Variants in CSMD1 observed in about 807,000 individuals in gnomAD.
CSMD1 encodes the protein CUB and sushi domain-containing protein 1.
CSMD1 carries 213 observed loss-of-function variants against 417.5 expected under a neutral mutation model. The ratio of observed to expected loss-of-function variants is 0.51; its 90% CI spans 0.46 to 0.57. The LOEUF (loss-of-function observed/expected upper bound fraction) is 0.57. CSMD1 is among the 20% of genes least tolerant of loss of function. The pLI is 0.00. For synonymous variants in CSMD1, 2,862 were observed against 1,736.8 expected, an observed-to-expected ratio of 1.65 and a Z score of -16.11; for missense variants, 6,923 against 4,529.7, an observed-to-expected ratio of 1.53 and a Z score of -15.17.
chr8:3,562,278 C>A (rs1231183099), intron 10 of CSMD1, among the ~76,000 whole-genome samples: 1 of 152,112 alleles, frequency 6.6e-6, no homozygotes, highest in Non-Finnish European at 1.5e-5. Flanking sequence ...AAAACATCAA[C>A]TGATGAGAGA....
At chr8:4,151,801 A>G (rs1796584846) in intron 3 of CSMD1, among the ~76,000 whole-genome samples, 1 of 152,192 alleles carries the variant, frequency 6.6e-6, no homozygotes, top group Non-Finnish European at 1.5e-5. Context: ...TTATATGAAA[A>G]ATAATTGTTC....
chr8:4,467,024 G>C (rs148183989), intron 2 of CSMD1, among the ~76,000 whole-genome samples: 1 of 148,568 alleles, frequency 6.7e-6, no homozygotes, highest in Non-Finnish European at 1.5e-5. Context: ...GGCCTCAAAG[G>C]CAACAAAAGT....
chr8:3,191,315 G>C (rs1467618682), intron 33 of CSMD1, among the ~76,000 whole-genome samples: 1 of 152,112 alleles, frequency 6.6e-6, no homozygotes, highest in African/African-American at 2.4e-5. Flanking sequence ...AATTAGCCGG[G>C]CATGGTGGCA....
chr8:3,355,766 C>T (rs13280571), intron 21 of CSMD1, among the ~76,000 whole-genome samples: 59,776 of 151,904 alleles, frequency 0.39, 11,870 homozygotes, highest in Admixed American at 0.44. Flanking sequence ...ATGGACTTTA[C>T]ATCACCTTAC....
intron 8 of CSMD1, among the ~76,000 whole-genome samples, chr8:3,597,602 A>T (rs1224456848): frequency 6.6e-6 from 1 of 152,180 alleles, no homozygotes; most frequent in Non-Finnish European, 1.5e-5. Context: ...CTCTGAACAC[A>T]GTTCTTAAAA....
At chr8:4,597,412 C>G (rs145995065) in intron 2 of CSMD1, among the ~76,000 whole-genome samples, 178 of 152,196 alleles carry the variant, frequency 1.2e-3, no homozygotes, top group African/African-American at 4.1e-3. Context: ...ATATCCATCC[C>G]CAAATGTAAA....
chr8:3,936,320 T>A (rs75795850), intron 5 of CSMD1, among the ~76,000 whole-genome samples: 1 of 152,164 alleles, frequency 6.6e-6, no homozygotes, highest in Non-Finnish European at 1.5e-5. Flanking sequence ...AAGGCAGATA[T>A]TGAGTGTAAA....
chr8:3,014,580 G>C (rs1208613829), intron 52 of CSMD1, among the ~76,000 whole-genome samples: 1 of 152,108 alleles, frequency 6.6e-6, no homozygotes, highest in Non-Finnish European at 1.5e-5. Context: ...ACTTCATTGA[G>C]AACTCTGAAG....
intron 7 of CSMD1, among the ~76,000 whole-genome samples, chr8:3,627,364 T>C (rs2117230238): frequency 6.6e-6 from 1 of 152,308 alleles, no homozygotes; most frequent in African/African-American, 2.4e-5. Context: ...TCACAGATCA[T>C]GAATTATTAA....
At chr8:3,655,102 A>T (rs1271726763) in intron 7 of CSMD1, among the ~76,000 whole-genome samples, 1 of 152,258 alleles carries the variant, frequency 6.6e-6, no homozygotes, top group African/African-American at 2.4e-5. Flanking sequence ...CATTCAAAAT[A>T]TGAAAATACA....
At chr8:4,207,099 T>G (rs1800022829) in intron 3 of CSMD1, among the ~76,000 whole-genome samples, 1 of 152,172 alleles carries the variant, frequency 6.6e-6, no homozygotes, top group Non-Finnish European at 1.5e-5. Flanking sequence ...TTAAAGTGTT[T>G]TCTCATTTTC....
intron 5 of CSMD1, among the ~76,000 whole-genome samples, chr8:3,773,501 G>T (rs1197928566): frequency 6.6e-6 from 1 of 152,056 alleles, no homozygotes; most frequent in Non-Finnish European, 1.5e-5. Context: ...TTCCCAGGCT[G>T]GTCTTGAACT....
In CSMD1 at chr8:2,957,798, T is replaced by C. The variant is rs774077926; in HGVS notation, c.9712A>G (p.Thr3238Ala). Residue 3238 changes from threonine (T) to alanine (A), a missense_variant, in exon 63 of 70, where the codon ACG becomes GCG. Transcript: ENST00000635120. ...CCTTTTCTGCACCTGAAAAAAACCGTGCTTCCAACCTAGAGAGGAAATCCA... is the reference window on the plus strand; with the variant it reads ...CCTTTTCTGCACCTGAAAAAAACCGCGCTTCCAACCTAGAGAGGAAATCCA... ...NSSRGYEVGS[T>A]VFFRCRKGYH... The C allele has an allele frequency of 6.3e-7, 1 of 1,581,386 alleles. No individual in the cohort carries two copies. The highest frequency in any genetic ancestry group is 8.6e-7 in the Non-Finnish European group (1 of 1,161,786).
At chr8:4,149,992 G>C (rs1424820760) in intron 3 of CSMD1, among the ~76,000 whole-genome samples, 1 of 152,224 alleles carries the variant, frequency 6.6e-6, no homozygotes, top group Admixed American at 6.5e-5. Flanking sequence ...AGAGAAGTCA[G>C]AGAGACTGAT....
intron 5 of CSMD1, among the ~76,000 whole-genome samples, chr8:3,963,312 T>A (rs577321731): frequency 1.3e-5 from 2 of 152,310 alleles, no homozygotes; most frequent in East Asian, 3.9e-4. Flanking sequence ...TCCATGGCTC[T>A]CACCCAGATA....
chr8:3,343,509 A>T, intron 22 of CSMD1, 59 bp from the exon 23 acceptor site: 2 of 1,458,640 alleles, frequency 1.4e-6, no homozygotes, highest in Non-Finnish European at 9.4e-7. Context: ...TATGTTAGCA[A>T]TGGTAATAAA....
intron 10 of CSMD1, among the ~76,000 whole-genome samples, chr8:3,545,154 T>G (rs990029846): frequency 3.9e-5 from 6 of 152,200 alleles, no homozygotes; most frequent in Non-Finnish European, 8.8e-5. Flanking sequence ...ACTTGCAATC[T>G]ATTACAGTAA....
chr8:3,574,355 C>G (rs571869752), intron 10 of CSMD1, among the ~76,000 whole-genome samples: 1 of 152,164 alleles, frequency 6.6e-6, no homozygotes, highest in Admixed American at 6.5e-5. Context: ...ATTCCTGGGC[C>G]TCAGCCTCTC....
chr8:4,309,502 C>G (rs1798441217), intron 3 of CSMD1, among the ~76,000 whole-genome samples: 1 of 151,914 alleles, frequency 6.6e-6, no homozygotes. Flanking sequence ...CATCAAATTT[C>G]TAAACTAAAA....
Sources: allele counts gnomAD v4.1 joint callset (sites outside exome capture counted in the v4.1 genomes callset), GRCh38; gene constraint gnomAD v4.1.1; transcripts MANE v1.5; gene names NCBI Gene and HGNC (gene_info 2026-07-23, HGNC 2026-07-21).